Variants in SYNPR observed in about 807,000 individuals in gnomAD.
The protein encoded by SYNPR is synaptoporin.
A neutral mutation model predicts 32.9 loss-of-function variants in SYNPR; 23 were observed. That is an observed-to-expected ratio of 0.70 (90% CI 0.50 to 0.99). SYNPR has a LOEUF of 0.99. SYNPR is among the 50% of genes least tolerant of loss of function. The pLI is 0.00. For synonymous variants in SYNPR, 146 were observed against 135.9 expected (o/e 1.07, Z -0.52); for missense variants, 318 against 349.3 (o/e 0.91, Z 0.71).
At chr3:63,431,621 G>A (rs1053441046) in intron 2 of SYNPR, among the ~76,000 whole-genome samples, 1 of 152,100 alleles carries the variant, frequency 6.6e-6, no homozygotes, top group South Asian at 2.1e-4. Flanking sequence ...AGCATTCTAT[G>A]TGGAGAGAAC....
chr3:63,508,226 C>T (rs1701627095), intron 3 of SYNPR, among the ~76,000 whole-genome samples: 1 of 152,112 alleles, frequency 6.6e-6, no homozygotes, highest in African/African-American at 2.4e-5. Flanking sequence ...TTGCTGTAGA[C>T]TCACCCTTCC....
intron 2 of SYNPR, among the ~76,000 whole-genome samples, chr3:63,420,003 A>G (rs925963214): frequency 6.6e-6 from 1 of 152,362 alleles, no homozygotes; most frequent in South Asian, 2.1e-4. Flanking sequence ...CTAGTAGTAA[A>G]TCTAACAAAG....
chr3:63,348,395 G>T (rs780697464), intron 2 of SYNPR, among the ~76,000 whole-genome samples: 42 of 151,340 alleles, frequency 2.8e-4, no homozygotes, highest in Middle Eastern at 3.2e-3. Context: ...TGTTTTTTTT[G>T]AGTTGTTTGG....
chr3:63,494,299 C>T (rs1014540893), intron 3 of SYNPR, among the ~76,000 whole-genome samples: 11 of 149,576 alleles, frequency 7.4e-5, no homozygotes, highest in South Asian at 2.1e-4. Context: ...TGAGCATGTC[C>T]CCTTAAAAAA....
chr3:63,402,726 G>T (rs2088308801), intron 2 of SYNPR, among the ~76,000 whole-genome samples: 1 of 152,218 alleles, frequency 6.6e-6, no homozygotes, highest in Non-Finnish European at 1.5e-5. Flanking sequence ...TGTTCCCTCT[G>T]CCTGGAACTC....
chr3:63,404,748 CTAT>C (rs1393741537), intron 2 of SYNPR, among the ~76,000 whole-genome samples: 2 of 151,614 alleles, frequency 1.3e-5, no homozygotes, highest in South Asian at 2.1e-4. Context: ...AATATTTATC[CTAT>C]TATTATTTTG....
intron 4 of SYNPR, among the ~76,000 whole-genome samples, chr3:63,558,166 C>G (rs924102691): frequency 6.6e-6 from 1 of 152,184 alleles, no homozygotes; most frequent in Admixed American, 6.5e-5. Flanking sequence ...GCCCTCACCA[C>G]AAGCCACCAG....
intron 1 of SYNPR, among the ~76,000 whole-genome samples, chr3:63,242,038 CT>C (rs1312908776): frequency 4.6e-5 from 7 of 152,096 alleles, no homozygotes. Flanking sequence ...TATAAGCATA[CT>C]TTTTCTTTCA....
intron 1 of SYNPR, among the ~76,000 whole-genome samples, chr3:63,228,880 G>A (rs1486883329): frequency 6.6e-6 from 1 of 151,588 alleles, no homozygotes; most frequent in Non-Finnish European, 1.5e-5. Context: ...CAGAAAACCG[G>A]AAACTATTGA....
At chr3:63,372,816 C>T (rs1241814233) in intron 2 of SYNPR, among the ~76,000 whole-genome samples, 1 of 152,206 alleles carries the variant, frequency 6.6e-6, no homozygotes, top group Non-Finnish European at 1.5e-5. Context: ...GCAGCTAGCA[C>T]TTGAGTGGGA....
At chr3:63,236,635 G>A (rs1189961753) in intron 1 of SYNPR, among the ~76,000 whole-genome samples, 1 of 151,912 alleles carries the variant, frequency 6.6e-6, no homozygotes, top group Non-Finnish European at 1.5e-5. Flanking sequence ...GATTTTAGAG[G>A]TATTGTTTTA....
At chr3:63,526,352 C>T (rs1702013155) in intron 3 of SYNPR, among the ~76,000 whole-genome samples, 1 of 152,180 alleles carries the variant, frequency 6.6e-6, no homozygotes, top group East Asian at 1.9e-4. Flanking sequence ...ATATCATTTA[C>T]ATTTATTGTT....
intron 2 of SYNPR, among the ~76,000 whole-genome samples, chr3:63,404,506 G>A (rs1190892592): frequency 1.3e-5 from 2 of 152,068 alleles, no homozygotes; most frequent in African/African-American, 4.8e-5. Context: ...TGGTTTCACT[G>A]GAACATTTTA....
chr3:63,205,200 G>C, the SYNPR span, among the ~76,000 whole-genome samples: 14 of 152,154 alleles, frequency 9.2e-5, no homozygotes, highest in Admixed American at 7.2e-4. Context: ...TTCACAGACA[G>C]GGGCCATGTC....
intron 3 of SYNPR, among the ~76,000 whole-genome samples, chr3:63,556,086 A>G (rs1167965142): frequency 2.0e-5 from 3 of 152,228 alleles, no homozygotes; most frequent in Non-Finnish European, 2.9e-5. Context: ...TGGAGACAGG[A>G]CCATGTTTGT....
chr3:63,239,416 T>A (rs947015890), intron 1 of SYNPR, among the ~76,000 whole-genome samples: 2 of 150,396 alleles, frequency 1.3e-5, no homozygotes. Context: ...TCACCAATCC[T>A]ACCATTGCCC....
intron 2 of SYNPR, among the ~76,000 whole-genome samples, chr3:63,404,542 G>A (rs1362961531): frequency 2.6e-5 from 4 of 152,014 alleles, no homozygotes; most frequent in Admixed American, 1.3e-4. Flanking sequence ...ATTTTCCTTA[G>A]AACTGGGTCA....
rs1047373017 is a variant in SYNPR, at chr3:63,610,417, T to C, written c.600+1101T>C. 4.5e-5 allele frequency: 30 copies of C among 667,642 alleles called. No individual in the cohort carries two copies. The Middle Eastern group carries it at 7.1e-4, about 16-fold the overall frequency. 41.4% of individuals were successfully genotyped at this position (667,642 alleles called of 1,614,324 possible). A position where few individuals can be genotyped will look rare whatever the true frequency, so the allele number is the denominator to read the frequency against. The stretch of plus-strand genomic sequence containing the variant: ...AGCAGTGTTTGCTGAAAGAACATTC[T>C]TTAGCACATCCTAGAAATAATTATC... On this transcript the variant is annotated intron_variant, in intron 5 of 5. Coordinates refer to ENST00000478300, the MANE Select transcript of SYNPR (RefSeq NM_001130003.2).
chr3:63,454,723 G>A (rs1291687058), intron 2 of SYNPR, among the ~76,000 whole-genome samples: 1 of 151,856 alleles, frequency 6.6e-6, no homozygotes, highest in Non-Finnish European at 1.5e-5. Flanking sequence ...TAAAACAAAG[G>A]TGAGGGCTCT....
Sources: gnomAD v4.1 joint callset for allele counts (sites outside exome capture counted in the v4.1 genomes callset) on GRCh38, gnomAD v4.1.1 for gene constraint, MANE v1.5 for transcripts, NCBI Gene and HGNC (gene_info 2026-07-23, HGNC 2026-07-21) for gene names.